PATJ: variants seen among roughly 807,000 people sequenced by gnomAD.
PATJ encodes PATJ crumbs cell polarity complex component.
PATJ carries 190 observed loss-of-function variants against 224.9 expected under a neutral mutation model. That is an observed-to-expected ratio of 0.84 (90% CI 0.75 to 0.95). PATJ has a LOEUF of 0.95. Among genes scored for constraint, PATJ ranks in the 40% least tolerant of loss-of-function variants. The probability of loss-of-function intolerance (pLI) is 0.00; values close to 1 mark genes in which losing one functional copy is unlikely to be tolerated. For synonymous variants in PATJ, 769 were observed against 820.3 expected, an observed-to-expected ratio of 0.94 and a Z score of 1.07; for missense variants, 2,121 against 2,270.3, an observed-to-expected ratio of 0.93 and a Z score of 1.34.
At chr1:62,003,052 G>A (rs1215437831) in intron 28 of PATJ, among the ~76,000 whole-genome samples, 1 of 152,168 alleles carries the variant, frequency 6.6e-6, no homozygotes, top group East Asian at 1.9e-4. Flanking sequence ...TAATACCATT[G>A]ATAGAGTTAG....
chr1:61,963,156 TCAG>T (rs1681560152), intron 27 of PATJ, among the ~76,000 whole-genome samples: 1 of 152,202 alleles, frequency 6.6e-6, no homozygotes, highest in African/African-American at 2.4e-5. Flanking sequence ...AGGTTAAAGA[TCAG>T]CATATAACTT....
intron 27 of PATJ, among the ~76,000 whole-genome samples, chr1:61,939,419 G>A (rs1013711279): frequency 6.7e-6 from 1 of 150,148 alleles, no homozygotes; most frequent in Non-Finnish European, 1.5e-5. Flanking sequence ...CAAAGATCAG[G>A]CAGTATTTAA....
Position 62,162,871 on chromosome 1 carries a change from T to C in PATJ, c.*1817T>C, listed in dbSNP as rs2149085659. 2 of 310,508 alleles carry C rather than the reference T, an allele frequency of 6.4e-6. No individual in the cohort carries two copies. The highest frequency in any genetic ancestry group is 2.3e-5 in the African/African-American group (1 of 43,796). The allele number at this position is 310,508 out of a possible 1,614,324, so 19.2% of individuals were successfully genotyped here. The stretch of plus-strand genomic sequence containing the variant: ...TTGAAGCAGGAAAATTGCTTGAACC[T>C]GGGAGGTGGAGGTTGCAGTGAGCCA... On this transcript the variant is annotated 3_prime_UTR_variant, in exon 44 of 44. Transcript: ENST00000642238.
intron 18 of PATJ, among the ~76,000 whole-genome samples, chr1:61,859,399 G>A (rs533243470): frequency 1.3e-5 from 2 of 152,124 alleles, no homozygotes; most frequent in East Asian, 3.9e-4. Flanking sequence ...TTGAGAGAAA[G>A]GTCAATTTCA....
chr1:62,158,987 AAGAT>A (rs1669577355), intron 43 of PATJ, among the ~76,000 whole-genome samples: 2 of 152,324 alleles, frequency 1.3e-5, no homozygotes, highest in Admixed American at 1.3e-4. Context: ...ATTACTAAAA[AAGAT>A]AAATAGCTTA....
rs147411237 is a variant in PATJ, at chr1:62,051,978, G to C, written c.4125+920G>C. 2.5e-4 allele frequency among the ~76,000 whole-genome samples: 38 copies of C among 152,318 alleles called. No individual in the cohort carries two copies. The East Asian group carries it at 7.1e-3, about 29-fold the overall frequency. On this transcript the variant is annotated intron_variant, in intron 31 of 43. Transcript: ENST00000642238. ...CTAACTTGCCAAAGGCCCCCAGCCAGTATGTGATAGGCTGGGAGATGGCTG... is the reference window on the plus strand; with the variant it reads ...CTAACTTGCCAAAGGCCCCCAGCCACTATGTGATAGGCTGGGAGATGGCTG...
At chr1:61,899,080 T>A (rs971633474) in intron 22 of PATJ, among the ~76,000 whole-genome samples, 3 of 152,150 alleles carry the variant, frequency 2.0e-5, no homozygotes, top group Non-Finnish European at 4.4e-5. Flanking sequence ...ATAATATAAG[T>A]AACTGAAAAG....
intron 28 of PATJ, among the ~76,000 whole-genome samples, chr1:61,995,754 C>T (rs910627661): frequency 1.3e-5 from 2 of 152,194 alleles, no homozygotes; most frequent in African/African-American, 2.4e-5. Context: ...CATATAATCA[C>T]CATGTGGACT....
At chr1:61,753,547 C>G (rs1490139918) in intron 1 of PATJ, among the ~76,000 whole-genome samples, 3 of 149,906 alleles carry the variant, frequency 2.0e-5, no homozygotes, top group African/African-American at 7.4e-5. Context: ...GAGTCTCACT[C>G]TGTCACGGCT....
At chr1:61,806,489 G>T (rs886356214) in intron 13 of PATJ, among the ~76,000 whole-genome samples, 3 of 151,940 alleles carry the variant, frequency 2.0e-5, no homozygotes, top group African/African-American at 7.3e-5. Context: ...CGTGGTGGCG[G>T]TCGCCTGTAA....
At chr1:61,919,574 G>A (rs576093364) in intron 26 of PATJ, among the ~76,000 whole-genome samples, 3 of 152,110 alleles carry the variant, frequency 2.0e-5, no homozygotes, top group African/African-American at 7.2e-5. Context: ...CAAAATGCTG[G>A]GGTTACAGGT....
At chr1:62,148,222 C>T in intron 41 of PATJ, 62 bp from the exon 42 acceptor site, 2 of 1,095,470 alleles carry the variant, frequency 1.8e-6, no homozygotes, top group East Asian at 2.4e-5. Context: ...TTGGATACAG[C>T]ATGGTTTCTC....
chr1:61,763,318 C>A, intron 3 of PATJ, 139 bp downstream of exon 3: 1 of 439,582 alleles, frequency 2.3e-6, no homozygotes, highest in Non-Finnish European at 4.0e-6. Flanking sequence ...GGACCTGTAA[C>A]CTATAACCTG....
intron 21 of PATJ, among the ~76,000 whole-genome samples, chr1:61,876,378 A>G (rs1667334324): frequency 6.6e-6 from 1 of 152,186 alleles, no homozygotes; most frequent in Non-Finnish European, 1.5e-5. Context: ...CTCTCCAGGT[A>G]TATTGCTTTC....
intron 31 of PATJ, among the ~76,000 whole-genome samples, 161 bp from the exon 32 acceptor site, chr1:62,079,289 A>T (rs1333629834): frequency 1.3e-5 from 2 of 152,196 alleles, no homozygotes; most frequent in Admixed American, 6.5e-5. Context: ...ATGAGGAACG[A>T]GGCATAAATC....
At chr1:61,973,014 T>G (rs1269837168) in intron 27 of PATJ, among the ~76,000 whole-genome samples, 2 of 152,100 alleles carry the variant, frequency 1.3e-5, no homozygotes, top group Admixed American at 6.5e-5. Flanking sequence ...CAGCTTAATC[T>G]TAGAATCTAT....
intron 33 of PATJ, among the ~76,000 whole-genome samples, chr1:62,101,259 C>CTTTTTTTTTTTTTTT (rs916854253): frequency 8.2e-6 from 1 of 122,608 alleles, no homozygotes; most frequent in Non-Finnish European, 1.7e-5. Flanking sequence ...CTTTTCTTTT[C>CTTTTTTTTTTTTTTT]TTTTTTTTTT....
At chr1:62,115,473 T>C (rs912678959) in intron 35 of PATJ, among the ~76,000 whole-genome samples, 3 of 151,654 alleles carry the variant, frequency 2.0e-5, no homozygotes, top group African/African-American at 7.3e-5. Context: ...TCTAAAAAAA[T>C]TTTTTAAATA....
intron 21 of PATJ, among the ~76,000 whole-genome samples, chr1:61,877,630 C>T (rs1317252693): frequency 6.6e-6 from 1 of 152,084 alleles, no homozygotes; most frequent in Non-Finnish European, 1.5e-5. Flanking sequence ...CATATGAAGA[C>T]ATGCGTGCTT....
Sources: gnomAD v4.1 joint callset for allele counts (sites outside exome capture counted in the v4.1 genomes callset) on GRCh38, gnomAD v4.1.1 for gene constraint, MANE v1.5 for transcripts, NCBI Gene and HGNC (gene_info 2026-07-23, HGNC 2026-07-21) for gene names.